The following SLC9A9 variants were observed in gnomAD, a reference collection of about 807,000 sequenced individuals.
The protein encoded by SLC9A9 is sodium/hydrogen exchanger 9.
In SLC9A9, 62 loss-of-function variants were observed where a neutral mutation model predicts 77.8. That is an observed-to-expected ratio of 0.80 (90% CI 0.65 to 0.98). The LOEUF (loss-of-function observed/expected upper bound fraction) is 0.98, where lower values mean the gene tolerates loss of function less well. Among genes scored for constraint, SLC9A9 ranks in the 50% least tolerant of loss-of-function variants. The pLI is 0.00. For missense variants in SLC9A9, 775 were observed against 774.9 expected, an observed-to-expected ratio of 1.00 and a Z score of 0.00; for synonymous variants, 320 against 283.5, an observed-to-expected ratio of 1.13 and a Z score of -1.29.
intron 4 of SLC9A9, among the ~76,000 whole-genome samples, chr3:143,695,959 G>A (rs1933628108): frequency 6.6e-6 from 1 of 151,930 alleles, no homozygotes; most frequent in African/African-American, 2.4e-5. Context: ...CTTCTTTTGA[G>A]AAGTGTCTGT....
At chr3:143,510,667 T>A (rs2036101534) in intron 9 of SLC9A9, among the ~76,000 whole-genome samples, 1 of 152,342 alleles carries the variant, frequency 6.6e-6, no homozygotes, top group African/African-American at 2.4e-5. Flanking sequence ...TTATGCCCAT[T>A]TTAAATTCTT....
At chr3:143,656,070 T>C (rs1007773733) in intron 5 of SLC9A9, among the ~76,000 whole-genome samples, 1 of 152,036 alleles carries the variant, frequency 6.6e-6, no homozygotes, top group Non-Finnish European at 1.5e-5. Context: ...AGAAGGGGAA[T>C]GTGTCTTTTC....
intron 5 of SLC9A9, among the ~76,000 whole-genome samples, chr3:143,674,872 T>C (rs538229485): frequency 1.3e-5 from 2 of 152,328 alleles, no homozygotes; most frequent in African/African-American, 4.8e-5. Flanking sequence ...CAAGCCTCCT[T>C]CATCTCAATA....
chr3:143,792,247 C>T (rs1419034185), intron 4 of SLC9A9, among the ~76,000 whole-genome samples: 1 of 152,200 alleles, frequency 6.6e-6, no homozygotes, highest in African/African-American at 2.4e-5. Context: ...TACAGCCAGT[C>T]ACTTTCTATA....
chr3:143,344,903 T>G (rs187467297), intron 14 of SLC9A9, among the ~76,000 whole-genome samples: 1 of 152,308 alleles, frequency 6.6e-6, no homozygotes, highest in East Asian at 1.9e-4. Flanking sequence ...TTCAACCAAA[T>G]AATAATAAAC....
At chr3:143,314,707 C>G (rs557899114) in intron 14 of SLC9A9, among the ~76,000 whole-genome samples, 30 of 152,376 alleles carry the variant, frequency 2.0e-4, no homozygotes, top group African/African-American at 7.0e-4. Flanking sequence ...TGGGATGAAT[C>G]CCAATTCTTC....
chr3:143,631,937 A>G (rs971192723), intron 6 of SLC9A9, among the ~76,000 whole-genome samples: 1 of 152,178 alleles, frequency 6.6e-6, no homozygotes, highest in African/African-American at 2.4e-5. Context: ...CTGGACCAGA[A>G]CCAGTGACTT....
intron 6 of SLC9A9, among the ~76,000 whole-genome samples, chr3:143,648,661 T>G (rs1242074): frequency 0.67 from 102,515 of 151,996 alleles, 34,711 homozygotes; most frequent in African/African-American, 0.72. Context: ...ATTCTACCTT[T>G]CTCCAGTCTC....
At chr3:143,827,820 A>T (rs1209171125) in intron 2 of SLC9A9, among the ~76,000 whole-genome samples, 1 of 152,082 alleles carries the variant, frequency 6.6e-6, no homozygotes, top group Non-Finnish European at 1.5e-5. Flanking sequence ...AAGGCAAAAT[A>T]CTCCCTTTAA....
intron 5 of SLC9A9, among the ~76,000 whole-genome samples, chr3:143,687,445 C>T (rs916554342): frequency 1.3e-5 from 2 of 151,880 alleles, no homozygotes; most frequent in Admixed American, 6.6e-5. Flanking sequence ...AGAGTGGGTT[C>T]GGCATGTTTT....
rs2035957683 is a variant in SLC9A9, at chr3:143,503,337, A to G, written c.1090-7889T>C. 3 of 304,228 alleles carry G rather than the reference A, an allele frequency of 9.9e-6. No homozygotes were observed. The Admixed American group carries it at 1.2e-4, about 13-fold the overall frequency. 18.8% of individuals were successfully genotyped at this position (304,228 alleles called of 1,614,324 possible). On this transcript the variant is annotated intron_variant, in intron 9 of 15. Coordinates refer to ENST00000316549, the MANE Select transcript of SLC9A9 (RefSeq NM_173653.4). ...TTGCTGTAGCCAAATTCATGGTCAT[A>G]TCAGGAAATGAGCTTAACAAAGTGG...
intron 2 of SLC9A9, among the ~76,000 whole-genome samples, chr3:143,811,432 C>T (rs1409167878): frequency 6.6e-6 from 1 of 152,160 alleles, no homozygotes; most frequent in East Asian, 1.9e-4. Context: ...CCTCTCTGAG[C>T]CTCAGTTTCC....
At chr3:143,630,928 A>G (rs1047324201) in intron 6 of SLC9A9, among the ~76,000 whole-genome samples, 10 of 152,124 alleles carry the variant, frequency 6.6e-5, no homozygotes, top group Admixed American at 2.6e-4. Context: ...GCTCGTTGCT[A>G]TATTTTGGGA....
chr3:143,840,949 A>G (rs1047517806), intron 1 of SLC9A9, among the ~76,000 whole-genome samples: 5 of 152,142 alleles, frequency 3.3e-5, no homozygotes, highest in Admixed American at 6.5e-5. Flanking sequence ...GATAATGCAT[A>G]TAGTTACATA....
chr3:143,310,202 T>C (rs1490887905), intron 14 of SLC9A9, among the ~76,000 whole-genome samples: 2 of 152,184 alleles, frequency 1.3e-5, no homozygotes, highest in Non-Finnish European at 2.9e-5. Context: ...TCATCATTCA[T>C]TGGCATCTAG....
Position 143,622,581 on chromosome 3 carries a change from C to T in SLC9A9, c.755+29674G>A, listed in dbSNP as rs548823072. On this transcript the variant is annotated intron_variant, in intron 6 of 15. Transcript: ENST00000316549. ...AGAAAATGCTGAGAGATTTTGTCACCACCAGGCCTGCCCTAAAAGAGCTCC... is the reference window on the plus strand; with the variant it reads ...AGAAAATGCTGAGAGATTTTGTCACTACCAGGCCTGCCCTAAAAGAGCTCC... 9.2e-5 allele frequency among the ~76,000 whole-genome samples: 14 copies of T among 152,198 alleles called. No individual in the cohort carries two copies. In the East Asian group the frequency reaches 1.7e-3, roughly 19 times the overall value.
intron 14 of SLC9A9, among the ~76,000 whole-genome samples, chr3:143,320,786 C>G (rs1233857978): frequency 6.6e-6 from 1 of 152,134 alleles, no homozygotes; most frequent in Non-Finnish European, 1.5e-5. Context: ...CCCCTAATAC[C>G]TGTACATGTG....
intron 14 of SLC9A9, among the ~76,000 whole-genome samples, chr3:143,346,073 T>C (rs1014781353): frequency 9.9e-5 from 15 of 152,170 alleles, no homozygotes; most frequent in Admixed American, 9.8e-4. Context: ...GTTTTAACAA[T>C]TCCCTCTTCC....
Position 143,733,807 on chromosome 3 carries a change from T to C in SLC9A9, c.534-40500A>G, listed in dbSNP as rs115253866. ...ACAATGAGAGAGCACATGCCCCCAC[T>C]TTCCACCAATACTACCACACCTGGA... is the stretch of plus-strand genomic sequence containing the variant. On this transcript the variant is annotated intron_variant, in intron 4 of 15. Coordinates refer to ENST00000316549, the MANE Select transcript of SLC9A9 (RefSeq NM_173653.4). Among the ~76,000 whole-genome samples, 502 of 152,114 alleles carry C rather than the reference T, an allele frequency of 3.3e-3. 5 individuals carry two copies. The highest frequency in any genetic ancestry group is 0.011 in the African/African-American group (471 of 41,472).
Sources: gnomAD v4.1 joint callset for allele counts (sites outside exome capture counted in the v4.1 genomes callset) on GRCh38, gnomAD v4.1.1 for gene constraint, MANE v1.5 for transcripts, NCBI Gene and HGNC (gene_info 2026-07-23, HGNC 2026-07-21) for gene names.